The following ADGRF1 variants were observed in gnomAD, a reference collection of about 807,000 sequenced individuals.
The protein encoded by ADGRF1 is adhesion G protein-coupled receptor F1.
ADGRF1 carries 85 observed loss-of-function variants against 87.2 expected under a neutral mutation model. That is an observed-to-expected ratio of 0.97 (90% CI 0.82 to 1.17). The LOEUF (loss-of-function observed/expected upper bound fraction) is 1.17. Among genes scored for constraint, ADGRF1 ranks in the 50% most tolerant of loss-of-function variants. The pLI, the probability that ADGRF1 is intolerant of heterozygous loss-of-function variation, is 0.00. For missense variants in ADGRF1, 1,169 were observed against 1,077.2 expected, an observed-to-expected ratio of 1.09 and a Z score of -1.19; for synonymous variants, 430 against 408.8, an observed-to-expected ratio of 1.05 and a Z score of -0.63.
At chr6:47,010,675 G>A (rs1779680020) in intron 10 of ADGRF1, among the ~76,000 whole-genome samples, 1 of 152,196 alleles carries the variant, frequency 6.6e-6, no homozygotes, top group African/African-American at 2.4e-5. Context: ...TATTCAGGCT[G>A]AGGCTCAAAG....
At chr6:47,023,913 T>A in intron 5 of ADGRF1, 131 bp downstream of exon 5, 1 of 771,188 alleles carries the variant, frequency 1.3e-6, no homozygotes, top group East Asian at 2.7e-5. Context: ...AGGCCTAACA[T>A]GATGTATCAT....
At chr6:47,027,472 C>A (rs1346914547) in intron 3 of ADGRF1, among the ~76,000 whole-genome samples, 1 of 152,196 alleles carries the variant, frequency 6.6e-6, no homozygotes, top group South Asian at 2.1e-4. Flanking sequence ...AAGAAAAGGG[C>A]GTGTGTGAAC....
Position 47,009,205 on chromosome 6 carries a change from G to A in ADGRF1, c.2230C>T (p.Leu744Phe), listed in dbSNP as rs767267152. Reference sequence around the variant, plus strand: ...AGTGCAGGGACAACAAAAGCCAGGAGTGGTTTGCTTCCATTGGACCAGTTA... The same window carrying A: ...AGTGCAGGGACAACAAAAGCCAGGAATGGTTTGCTTCCATTGGACCAGTTA... ...WLNWSNGSKP[L>F]LAFVVPALAI... Residue 744 changes from leucine to phenylalanine, a missense_variant, in exon 11 of 15, where the codon CTC becomes TTC. Transcript: ENST00000371253. 3 of 1,614,178 alleles carry A rather than the reference G, an allele frequency of 1.9e-6. No individual in the cohort carries two copies. Among genetic ancestry groups the A allele is most frequent in the Non-Finnish European group, 2.5e-6 (3 of 1,180,026 alleles).
At chr6:47,012,896 A>G (rs905813849) in intron 9 of ADGRF1, 14 of 612,422 alleles carry the variant, frequency 2.3e-5, no homozygotes, top group Non-Finnish European at 2.7e-5. Context: ...CAGCCTCCCA[A>G]GTAGCTGGGA....
chr6:47,024,396 C>T, intron 4 of ADGRF1, 179 bp from the exon 5 acceptor site: 2 of 512,264 alleles, frequency 3.9e-6, no homozygotes, highest in Non-Finnish European at 6.9e-6. Flanking sequence ...CTCACTGCAA[C>T]CTCTGCCTCC....
intron 5 of ADGRF1, among the ~76,000 whole-genome samples, chr6:47,022,804 C>CTTTTT (rs11286179): frequency 6.7e-5 from 8 of 119,266 alleles, no homozygotes; most frequent in African/African-American, 1.0e-4. Context: ...TTTCTTTTTT[C>CTTTTT]TTTTTTTTTT....
At chr6:47,031,369 C>A (rs891387039) in intron 1 of ADGRF1, among the ~76,000 whole-genome samples, 68 of 150,792 alleles carry the variant, frequency 4.5e-4, no homozygotes, top group African/African-American at 1.6e-3. Flanking sequence ...CTCTCTCTCT[C>A]TCTCTCTCTC....
intron 12 of ADGRF1, among the ~76,000 whole-genome samples, chr6:47,006,846 T>A (rs1779547473): frequency 6.6e-6 from 1 of 152,224 alleles, no homozygotes; most frequent in Non-Finnish European, 1.5e-5. Context: ...ACACTTACTG[T>A]TTAAAACTCT....
In ADGRF1 at chr6:47,005,868, T is replaced by C. The variant is rs1214517693; in HGVS notation, c.2541A>G (p.Gln847=). 10 of 1,611,146 alleles carry C rather than the reference T, an allele frequency of 6.2e-6. No homozygotes were observed. The highest frequency in any genetic ancestry group is 1.3e-5 in the African/African-American group (1 of 74,830). The change falls in exon 13 of 15, where the codon CAA becomes CAG. Residue 847 remains glutamine (Q), a synonymous_variant. Coordinates refer to ENST00000371253, the MANE Select transcript of ADGRF1 (RefSeq NM_153840.4). ...FGILLDSKLR[Q]LLFNKLSALS... ...AGGCAGACAACTTGTTGAACAGAAG[T>C]TGTCGCAGCTATAAGGGCAACAAAG...
At chr6:47,030,576 ATGTGTG>A (rs3030596) in intron 1 of ADGRF1, among the ~76,000 whole-genome samples, 1,877 of 138,560 alleles carry the variant, frequency 0.014, 30 homozygotes, top group African/African-American at 0.038. Context: ...TAACATGAAT[ATGTGTG>A]TGTGTGTGTG....
chr6:47,000,022 T>A lies in ADGRF1; in HGVS notation c.*200A>T, dbSNP rs973957891. 1 of 499,506 alleles carries A rather than the reference T, an allele frequency of 2.0e-6. No homozygotes were observed. The highest frequency in any genetic ancestry group is 1.9e-5 in the African/African-American group (1 of 52,116). 30.9% of individuals were successfully genotyped at this position (499,506 alleles called of 1,614,324 possible). On this transcript the variant is annotated 3_prime_UTR_variant, in exon 15 of 15. Coordinates refer to ENST00000371253, the MANE Select transcript of ADGRF1 (RefSeq NM_153840.4). ...TATGGAGCACTTTCTTTGAATCAAA[T>A]CACATGGAAATAAATCTTCTTTTCA...
At chr6:47,002,535 A>T (rs1779390390) in intron 13 of ADGRF1, among the ~76,000 whole-genome samples, 2 of 152,226 alleles carry the variant, frequency 1.3e-5, no homozygotes, top group South Asian at 4.1e-4. Context: ...TTAAAATTGC[A>T]TCCTGTACCA....
chr6:47,004,162 C>T (rs1779444754), intron 13 of ADGRF1, among the ~76,000 whole-genome samples: 1 of 152,156 alleles, frequency 6.6e-6, no homozygotes, highest in Non-Finnish European at 1.5e-5. Flanking sequence ...GTCTGGTTAC[C>T]AATCTCGCTG....
chr6:47,001,382 C>T (rs1323771354), intron 14 of ADGRF1, 119 bp downstream of exon 14: 5 of 772,680 alleles, frequency 6.5e-6, no homozygotes, highest in Non-Finnish European at 1.0e-5. Flanking sequence ...ACATGGCTGG[C>T]TGATAATCCC....
At position 47,019,185 on chromosome 6, in the gene ADGRF1, A is replaced by C. The variant is rs1171445603; in HGVS notation, c.611+1546T>G. On this transcript the variant is annotated intron_variant, in intron 7 of 14. Transcript: ENST00000371253. Reference sequence around the variant, plus strand: ...GGAGACAGCTTATAAGATATGCATGATAGAATATAAATTAGAAGTATAAAT... The same window carrying C: ...GGAGACAGCTTATAAGATATGCATGCTAGAATATAAATTAGAAGTATAAAT... The C allele has an allele frequency of 4.6e-6, 3 of 657,052 alleles. No homozygotes were observed. The African/African-American group carries it at 5.9e-5, about 13-fold the overall frequency. The allele number at this position is 657,052 out of a possible 1,614,324, so 40.7% of individuals were successfully genotyped here. A position where few individuals can be genotyped will look rare whatever the true frequency, so the allele number is the denominator to read the frequency against.
chr6:47,025,349 G>A lies in ADGRF1; in HGVS notation c.277+505C>T, dbSNP rs1021184573. ...TGCTAAGTTCCCTAATGCTGCTGCT[G>A]CTGGCCTGGGGACCATGCTTTAAGA... On this transcript the variant is annotated intron_variant, in intron 4 of 14. Coordinates refer to ENST00000371253, the MANE Select transcript of ADGRF1 (RefSeq NM_153840.4). Among the ~76,000 whole-genome samples the A allele has an allele frequency of 2.0e-5, 3 of 152,180 alleles. No homozygotes were observed. In the East Asian group the frequency reaches 5.8e-4, roughly 29 times the overall value.
rs1427135979 is a variant in ADGRF1 at position 47,009,295 on chromosome 6, A to C, written c.2140T>G (p.Ser714Ala). 1 of 1,614,068 alleles carries C rather than the reference A, an allele frequency of 6.2e-7. No homozygotes were observed. The highest frequency in any genetic ancestry group is 1.3e-5 in the African/African-American group (1 of 74,934). ...CLGYGCPLII[S>A]VITIAVTQPS... ...TGCGTGACAGCAATGGTAATGACAG[A>C]TATAATGAGAGGGCACCCATAACCC... Residue 714 changes from serine to alanine, a missense_variant, in exon 11 of 15, where the codon TCT (serine) becomes GCT (alanine). Physicochemically the swap from Ser to Ala is moderately conservative, Grantham distance 99. Coordinates refer to ENST00000371253, the MANE Select transcript of ADGRF1 (RefSeq NM_153840.4).
At chr6:47,013,981 T>C (rs1356511534) in intron 9 of ADGRF1, 1 of 154,864 alleles carries the variant, frequency 6.5e-6, no homozygotes, top group African/African-American at 2.4e-5. Context: ...CCTCCCCAGA[T>C]ATGCCTTTTG....
chr6:47,014,999 TG>T (rs1779823036), intron 8 of ADGRF1, among the ~76,000 whole-genome samples, 155 bp from the exon 9 acceptor site: 1 of 152,216 alleles, frequency 6.6e-6, no homozygotes, highest in African/African-American at 2.4e-5. Flanking sequence ...TTTGATGTCC[TG>T]CTTCATCCCT....
Sources: allele counts gnomAD v4.1 joint callset (sites outside exome capture counted in the v4.1 genomes callset), GRCh38; gene constraint gnomAD v4.1.1; transcripts MANE v1.5; gene names NCBI Gene and HGNC (gene_info 2026-07-23, HGNC 2026-07-21).